RNF19A: variants seen among roughly 807,000 people sequenced by gnomAD.
RNF19A encodes ring finger protein 19A, RBR E3 ubiquitin protein ligase.
Under a neutral mutation model 75.7 loss-of-function variants are expected in RNF19A, and 32 were observed. The ratio of observed to expected loss-of-function variants is 0.42; its 90% confidence interval spans 0.32 to 0.57. The LOEUF (loss-of-function observed/expected upper bound fraction) is 0.57. Ranked by LOEUF, RNF19A falls within the 20% of genes least tolerant of loss-of-function variation. The pLI, the probability that RNF19A is intolerant of heterozygous loss-of-function variation, is 0.10. For synonymous variants in RNF19A, 335 were observed against 345.2 expected, an observed-to-expected ratio of 0.97 and a Z score of 0.33; for missense variants, 782 against 1,036.3, an observed-to-expected ratio of 0.75 and a Z score of 3.37.
intron 2 of RNF19A, among the ~76,000 whole-genome samples, chr8:100,281,394 C>T (rs1820777388): frequency 6.6e-6 from 1 of 152,142 alleles, no homozygotes; most frequent in African/African-American, 2.4e-5. Flanking sequence ...ACATAGTCTG[C>T]AGTATTTTCT....
At position 100,329,464 on chromosome 8, in the gene RNF19A, A is replaced by C. The variant is rs982841378; in HGVS notation, c.-243+6644T>G. ...AAAACAAAACAAACAAACAAACAAA[A>C]AAAGTCAGTGAATCTTAGGTTGCAT... is the stretch of plus-strand genomic sequence containing the variant. On this transcript the variant is annotated intron_variant, in intron 1 of 3. Coordinates refer to the RNF19A transcript ENST00000519527. This position sits in a 1 kb window ranked among gnomAD's most constrained non-coding sequence, Gnocchi z 4.3. Among the ~76,000 whole-genome samples the C allele has an allele frequency of 2.0e-5, 3 of 152,198 alleles. No homozygotes were observed. Among genetic ancestry groups the C allele is most frequent in the Non-Finnish European group, 4.4e-5 (3 of 68,034 alleles).
At chr8:100,291,812 T>C (rs1821306912) in intron 1 of RNF19A, among the ~76,000 whole-genome samples, 7 of 152,194 alleles carry the variant, frequency 4.6e-5, no homozygotes, top group Admixed American at 4.6e-4. Flanking sequence ...ATGGTCAAAA[T>C]ACTAAATGTA....
At chr8:100,302,547 T>C (rs1185346533) in intron 1 of RNF19A, among the ~76,000 whole-genome samples, 2 of 152,192 alleles carry the variant, frequency 1.3e-5, no homozygotes, top group African/African-American at 2.4e-5. Context: ...GCCCAGAGAT[T>C]AGGAAAAAAG....
rs1450666708 is a variant in RNF19A at position 100,325,250 on chromosome 8, A to C, written c.-243+10858T>G. On this transcript the variant is annotated intron_variant, in intron 1 of 3. Coordinates refer to the RNF19A transcript ENST00000519527. The surrounding 1 kb of genome is among the most constrained non-coding windows in gnomAD (Gnocchi z 4.3). ...AATAGAAAATCCTAGAAGAAGAAAC[A>C]TGTTTGATACTGAAGGCAGAGAACT... 6.6e-6 allele frequency among the ~76,000 whole-genome samples: 1 copy of C among 152,190 alleles called. No homozygotes were observed. The highest frequency in any genetic ancestry group is 1.5e-5 in the Non-Finnish European group (1 of 68,038).
intron 3 of RNF19A, among the ~76,000 whole-genome samples, chr8:100,274,669 G>A (rs1020212582): frequency 6.6e-6 from 1 of 152,156 alleles, no homozygotes; most frequent in African/African-American, 2.4e-5. Flanking sequence ...ACAGGAGTGA[G>A]CTACCATACC....
Position 100,264,177 on chromosome 8 carries a change from A to G in RNF19A, c.1325T>C (p.Met442Thr). The G allele has an allele frequency of 1.2e-6, 2 of 1,612,304 alleles. No individual in the cohort carries two copies. Among genetic ancestry groups the G allele is most frequent in the Non-Finnish European group, 1.7e-6 (2 of 1,179,180 alleles). The change falls in exon 7 of 10, where the codon ATG becomes ACG. Residue 442 changes from methionine to threonine, a missense_variant. Met to Thr is a moderately conservative substitution (Grantham distance 81). This residue lies in a region of RNF19A where 442 missense variants were observed against 541.6 expected (regional missense o/e 0.82). Coordinates refer to ENST00000341084, the MANE Select transcript of RNF19A (RefSeq NM_183419.4). The surrounding 1 kb of genome is among the most constrained non-coding windows in gnomAD (Gnocchi z 4.7). ...AACTACGCCATAGACATAAGCTAAC[A>G]TAATAGGAACACCGATACCTAAAGA... ...AVTVGIGVPI[M>T]LAYVYGVVPI... is the part of the protein sequence containing the mutation.
rs1819501259 is a variant in RNF19A at position 100,257,307 on chromosome 8, G to C, written c.*1249C>G. The C allele has an allele frequency of 6.6e-6, 1 of 152,460 alleles. No individual in the cohort carries two copies. The allele number at this position is 152,460 out of a possible 1,614,324, so 9.4% of individuals were successfully genotyped here. On this transcript the variant is annotated 3_prime_UTR_variant, in exon 10 of 10. Transcript: ENST00000341084. ...AGCACCATAATGGTAATACTTAAAA[G>C]AAATACATAAGATAGAACATTTTAA...
chr8:100,290,284 T>C (rs1473032170), intron 1 of RNF19A, among the ~76,000 whole-genome samples: 4 of 152,274 alleles, frequency 2.6e-5, no homozygotes, highest in East Asian at 1.9e-4. Context: ...GTATTTTTAG[T>C]AGAGACAAGG....
Position 100,288,016 on chromosome 8 carries a change from C to A in RNF19A, c.159G>T (p.Leu53Phe). ...DLQSSASSVS[L>F]PSVKKAPKKR... ...TTTTGGGTGCCTTTTTGACTGAAGG[C>A]AAGCTCACAGATGAAGCAGAGGACT... Residue 53 changes from leucine to phenylalanine, a missense_variant, in exon 2 of 10, where the codon TTG (leucine) becomes TTT (phenylalanine). Leu to Phe is a conservative substitution (Grantham distance 22). Transcript: ENST00000341084. The A allele has an allele frequency of 6.2e-7, 1 of 1,614,162 alleles. No homozygotes were observed. Among genetic ancestry groups the A allele is most frequent in the Non-Finnish European group, 8.5e-7 (1 of 1,180,028 alleles).
chr8:100,314,942 C>T (rs1021026225), upstream of RNF19A, among the ~76,000 whole-genome samples: 1 of 152,116 alleles, frequency 6.6e-6, no homozygotes, highest in African/African-American at 2.4e-5. The surrounding 1 kb of genome is among the most constrained non-coding windows in gnomAD (Gnocchi z 4.1). Flanking sequence ...CTAGGTGCTG[C>T]GAGACACCAA....
At chr8:100,335,553 A>T (rs549399583) in intron 1 of RNF19A, among the ~76,000 whole-genome samples, 29 of 152,364 alleles carry the variant, frequency 1.9e-4, no homozygotes, top group African/African-American at 7.0e-4. Flanking sequence ...TACTTTAATA[A>T]TTTTTAATGG....
chr8:100,264,265 A>G lies in RNF19A; in HGVS notation c.1307-70T>C, dbSNP rs1029970378. 1.5e-6 allele frequency: 2 copies of G among 1,372,360 alleles called. No individual in the cohort carries two copies. The highest frequency in any genetic ancestry group is 2.4e-5 in the East Asian group (1 of 42,304). 85.0% of individuals were successfully genotyped at this position (1,372,360 alleles called of 1,614,324 possible). On this transcript the variant is annotated intron_variant, in intron 6 of 9. Coordinates refer to ENST00000341084, the MANE Select transcript of RNF19A (RefSeq NM_183419.4). The surrounding 1 kb of genome is among the most constrained non-coding windows in gnomAD (Gnocchi z 4.7). ...TAACTCACAGAAACATGAGTTTTAG[A>G]AAGTCTTTTCAAGAGAGTCATACAG...
chr8:100,303,893 C>T (rs1044661656), intron 1 of RNF19A, among the ~76,000 whole-genome samples: 2 of 151,812 alleles, frequency 1.3e-5, no homozygotes, highest in South Asian at 4.1e-4. Context: ...GCCAAGATTG[C>T]GTCACTGCAC....
Position 100,264,434 on chromosome 8 carries a change from G to A in RNF19A, c.1306+237C>T. 1 of 571,812 alleles carries A rather than the reference G, an allele frequency of 1.7e-6. No individual in the cohort carries two copies. Among genetic ancestry groups the A allele is most frequent in the Non-Finnish European group, 3.1e-6 (1 of 327,564 alleles). The allele number at this position is 571,812 out of a possible 1,614,324, so 35.4% of individuals were successfully genotyped here. A position where few individuals can be genotyped will look rare whatever the true frequency, so the allele number is the denominator to read the frequency against. ...AGAGAGATGCAAACTTTTTTCTTTT[G>A]AAGTGCCAGGCCTCCGAACTGTACT... On this transcript the variant is annotated intron_variant, in intron 6 of 9. Transcript: ENST00000341084. This position sits in a 1 kb window ranked among gnomAD's most constrained non-coding sequence, Gnocchi z 4.7.
chr8:100,312,334 T>C (rs1169677294), upstream of RNF19A: 1 of 152,326 alleles, frequency 6.6e-6, no homozygotes, highest in Admixed American at 6.5e-5. Flanking sequence ...CTGGGCACGG[T>C]GGCACACACC....
At chr8:100,298,695 T>C (rs1441779854) in intron 1 of RNF19A, among the ~76,000 whole-genome samples, 2 of 152,188 alleles carry the variant, frequency 1.3e-5, no homozygotes, top group East Asian at 1.9e-4. Context: ...CCATATTTGA[T>C]TGGGAGAAGA....
chr8:100,321,941 C>A (rs1822471103), intron 1 of RNF19A, among the ~76,000 whole-genome samples: 1 of 152,084 alleles, frequency 6.6e-6, no homozygotes, highest in Admixed American at 6.6e-5. Context: ...ATCATACAGG[C>A]TTTGTTGTTC....
intron 7 of RNF19A, among the ~76,000 whole-genome samples, chr8:100,263,575 TA>T (rs1400148891): frequency 6.6e-6 from 1 of 152,224 alleles, no homozygotes; most frequent in African/African-American, 2.4e-5. Flanking sequence ...ATGCACTTTT[TA>T]AAAAAGGTTT....
chr8:100,264,351 G>T lies in RNF19A; in HGVS notation c.1307-156C>A. On this transcript the variant is annotated intron_variant, in intron 6 of 9. Transcript: ENST00000341084. The surrounding 1 kb of genome is among the most constrained non-coding windows in gnomAD (Gnocchi z 4.7). ...CATTTGCCAAAAGTAGATTTACCCA[G>T]TTGTTAAGCAAATTCAAGGTTCCCA... 2 of 663,298 alleles carry T rather than the reference G, an allele frequency of 3.0e-6. No homozygotes were observed. Among genetic ancestry groups the T allele is most frequent in the Non-Finnish European group, 5.0e-6 (2 of 403,690 alleles). The allele number at this position is 663,298 out of a possible 1,614,324, so 41.1% of individuals were successfully genotyped here. A position where few individuals can be genotyped will look rare whatever the true frequency, so the allele number is the denominator to read the frequency against.
Sources: gnomAD v4.1 joint callset for allele counts (sites outside exome capture counted in the v4.1 genomes callset) on GRCh38, gnomAD v4.1.1 for gene constraint, gnomAD v4.1.1 regional missense constraint, Gnocchi (gnomAD v3.1) non-coding constraint, MANE v1.5 for transcripts, NCBI Gene and HGNC (gene_info 2026-07-23, HGNC 2026-07-21) for gene names.